Variants in PDE10A observed in about 807,000 individuals in gnomAD.
PDE10A encodes phosphodiesterase 10A, also known as cAMP and cAMP-inhibited cGMP 3',5'-cyclic phosphodiesterase 10A.
Under a neutral mutation model 97.7 loss-of-function variants are expected in PDE10A, and 39 were observed. The observed-to-expected ratio is 0.40, with a 90% CI of 0.31 to 0.52. The LOEUF (loss-of-function observed/expected upper bound fraction) is 0.52. Ranked by LOEUF, PDE10A falls within the 20% of genes least tolerant of loss-of-function variation. The pLI, the probability that PDE10A is intolerant of heterozygous loss-of-function variation, is 0.56. For missense variants in PDE10A, 731 were observed against 1,047.8 expected (o/e 0.70, Z 4.17); for synonymous variants, 371 against 376.8 (o/e 0.98, Z 0.18).
intron 2 of PDE10A, among the ~76,000 whole-genome samples, chr6:165,530,266 T>A (rs1174545775): frequency 1.8e-5 from 1 of 56,244 alleles, no homozygotes; most frequent in Non-Finnish European, 5.7e-5. Flanking sequence ...ATCCTCTTTA[T>A]ATATGTGTGT....
chr6:165,896,649 C>T (rs1398734785), intron 1 of PDE10A, among the ~76,000 whole-genome samples: 2 of 151,830 alleles, frequency 1.3e-5, no homozygotes, highest in Non-Finnish European at 2.9e-5. Flanking sequence ...CTCAGCCTCC[C>T]GAGTAGCTGA....
At chr6:165,435,435 GAC>G in intron 5 of PDE10A, 58 bp from the exon 6 acceptor site, 1 of 1,422,206 alleles carries the variant, frequency 7.0e-7, no homozygotes, top group Non-Finnish European at 9.6e-7. Context: ...AGTACAAAAA[GAC>G]ACACGTGAAT....
chr6:165,584,510 G>A (rs1448765157), intron 1 of PDE10A, among the ~76,000 whole-genome samples: 2 of 152,136 alleles, frequency 1.3e-5, no homozygotes, highest in Non-Finnish European at 2.9e-5. Context: ...ACTCTCACCA[G>A]TGCCATTCTG....
chr6:165,543,832 G>C (rs886720540), intron 1 of PDE10A, among the ~76,000 whole-genome samples: 1 of 139,686 alleles, frequency 7.2e-6, no homozygotes, highest in African/African-American at 3.0e-5. Context: ...GCTTAAAACA[G>C]CATTTAAAAT....
Position 165,329,621 on chromosome 6 carries a change from TCG to T in PDE10A, c.*3402_*3403del, listed in dbSNP as rs1781231305. 6.6e-6 allele frequency: 1 copy of T among 152,128 alleles called. No individual in the cohort carries two copies. Among genetic ancestry groups the T allele is most frequent in the African/African-American group, 2.4e-5 (1 of 41,418 alleles). The allele number at this position is 152,128 out of a possible 1,614,324, so 9.4% of individuals were successfully genotyped here. On this transcript the variant is annotated 3_prime_UTR_variant, in exon 22 of 22. Transcript: ENST00000539869. ...TATCCTGTACAATACAGGATTTGTC[TCG>T]CATACACAAATATACCAATAAAGAA...
chr6:165,558,889 CAT>C (rs1265093720), intron 1 of PDE10A, among the ~76,000 whole-genome samples: 1 of 152,050 alleles, frequency 6.6e-6, no homozygotes, highest in East Asian at 1.9e-4. Context: ...CAACATGGCA[CAT>C]GTATACATAT....
intron 1 of PDE10A, among the ~76,000 whole-genome samples, chr6:165,601,364 A>G (rs1786940063): frequency 6.6e-6 from 1 of 152,200 alleles, no homozygotes; most frequent in African/African-American, 2.4e-5. Context: ...CTAGCTACCC[A>G]AATATAACAA....
chr6:165,548,276 CTTTTTTTTTTT>C (rs57134252), intron 1 of PDE10A, among the ~76,000 whole-genome samples: 2 of 105,664 alleles, frequency 1.9e-5, no homozygotes, highest in African/African-American at 3.7e-5. Flanking sequence ...CTTTAAATCT[CTTTTTTTTTTT>C]TTTTTTTTTT....
intron 1 of PDE10A, among the ~76,000 whole-genome samples, chr6:165,880,141 G>C (rs975731009): frequency 4.6e-5 from 7 of 152,208 alleles, no homozygotes; most frequent in African/African-American, 1.7e-4. Flanking sequence ...CTTGAGGGCT[G>C]TGAGCCCAGG....
chr6:165,955,461 G>A (rs1320934355), intron 1 of PDE10A, among the ~76,000 whole-genome samples: 3 of 152,000 alleles, frequency 2.0e-5, no homozygotes, highest in Non-Finnish European at 4.4e-5. Flanking sequence ...TGCCACCTCC[G>A]CTTTAGTCAC....
intron 1 of PDE10A, among the ~76,000 whole-genome samples, chr6:165,898,411 C>T (rs1194857782): frequency 2.6e-5 from 4 of 152,032 alleles, no homozygotes; most frequent in Non-Finnish European, 4.4e-5. Flanking sequence ...CTTTAGGTCT[C>T]GAAGTCCATA....
At chr6:165,971,439 A>G (rs1387642710) in intron 1 of PDE10A, among the ~76,000 whole-genome samples, 1 of 152,168 alleles carries the variant, frequency 6.6e-6, no homozygotes, top group Non-Finnish European at 1.5e-5. Context: ...TTCCTATAAG[A>G]CTGAAAATTC....
intron 1 of PDE10A, among the ~76,000 whole-genome samples, chr6:165,657,631 G>A (rs1790033444): frequency 6.6e-6 from 1 of 152,182 alleles, no homozygotes; most frequent in Non-Finnish European, 1.5e-5. Flanking sequence ...ATGCAGAAAT[G>A]ATCTAAGACT....
At chr6:165,380,481 T>A (rs557911775) in intron 17 of PDE10A, among the ~76,000 whole-genome samples, 2 of 152,332 alleles carry the variant, frequency 1.3e-5, no homozygotes, top group African/African-American at 2.4e-5. Flanking sequence ...TTAGAAGTAT[T>A]TGAATTATTG....
At chr6:165,349,225 G>A (rs1782526456) in intron 18 of PDE10A, among the ~76,000 whole-genome samples, 1 of 152,112 alleles carries the variant, frequency 6.6e-6, no homozygotes, top group African/African-American at 2.4e-5. Context: ...GGAAGAAGTG[G>A]GAAGGTTTGA....
intron 1 of PDE10A, among the ~76,000 whole-genome samples, chr6:165,942,850 C>T (rs773863649): frequency 2.0e-5 from 3 of 152,138 alleles, no homozygotes; most frequent in Non-Finnish European, 2.9e-5. Context: ...TCTGCTAGAA[C>T]ATTTCTTCTG....
chr6:165,407,211 G>A (rs1234806889), intron 13 of PDE10A, among the ~76,000 whole-genome samples: 2 of 151,990 alleles, frequency 1.3e-5, no homozygotes, highest in Admixed American at 6.6e-5. Flanking sequence ...AAAACACTTC[G>A]TAGTAATTGT....
At chr6:165,547,253 T>A (rs1168148698) in intron 1 of PDE10A, among the ~76,000 whole-genome samples, 1 of 152,160 alleles carries the variant, frequency 6.6e-6, no homozygotes, top group African/African-American at 2.4e-5. Flanking sequence ...AAACTGACTT[T>A]CATTTTCATT....
chr6:165,633,434 T>C (rs1788726692), intron 1 of PDE10A, among the ~76,000 whole-genome samples: 1 of 152,030 alleles, frequency 6.6e-6, no homozygotes, highest in Non-Finnish European at 1.5e-5. Context: ...TCTTTATAGC[T>C]ACAGAAATTA....
Sources: gnomAD v4.1 joint callset for allele counts (sites outside exome capture counted in the v4.1 genomes callset) on GRCh38, gnomAD v4.1.1 for gene constraint, MANE v1.5 for transcripts, NCBI Gene and HGNC (gene_info 2026-07-23, HGNC 2026-07-21) for gene names.